TECRL: variants seen among roughly 807,000 people sequenced by gnomAD.
The protein encoded by TECRL is trans-2,3-enoyl-CoA reductase-like.
TECRL carries 63 observed loss-of-function variants against 52.8 expected under a neutral mutation model. The ratio of observed to expected loss-of-function variants is 1.19; its 90% CI spans 0.97 to 1.47. The LOEUF (loss-of-function observed/expected upper bound fraction) is 1.47, where lower values mean the gene tolerates loss of function less well. TECRL is among the 40% of genes most tolerant of loss of function. The pLI, the probability that TECRL is intolerant of heterozygous loss-of-function variation, is 0.00. For synonymous variants in TECRL, 164 were observed against 141.9 expected (o/e 1.16, Z -1.10); for missense variants, 482 against 429.6 (o/e 1.12, Z -1.08).
chr4:64,358,866 G>A (rs1035609151), intron 2 of TECRL, among the ~76,000 whole-genome samples: 2 of 151,658 alleles, frequency 1.3e-5, no homozygotes, highest in African/African-American at 4.8e-5. Context: ...TATCACAGGA[G>A]GAATCTAAGT....
chr4:64,298,060 G>C (rs1160774897), intron 8 of TECRL, among the ~76,000 whole-genome samples: 1 of 150,836 alleles, frequency 6.6e-6, no homozygotes, highest in Non-Finnish European at 1.5e-5. Flanking sequence ...TTTCACCTAT[G>C]CTTAATATTA....
At chr4:64,367,530 A>G (rs376471289) in intron 2 of TECRL, among the ~76,000 whole-genome samples, 183 of 146,816 alleles carry the variant, frequency 1.2e-3, no homozygotes, top group African/African-American at 4.3e-3. Flanking sequence ...CATATATCAC[A>G]TAAAATTCTC....
intron 3 of TECRL, among the ~76,000 whole-genome samples, chr4:64,327,565 T>C (rs1433510447): frequency 1.3e-5 from 2 of 152,116 alleles, no homozygotes; most frequent in Non-Finnish European, 1.5e-5. Flanking sequence ...AAACTCTAGG[T>C]AGGTGGGAAT....
At chr4:64,321,019 T>A (rs939069487) in intron 4 of TECRL, among the ~76,000 whole-genome samples, 2 of 152,072 alleles carry the variant, frequency 1.3e-5, no homozygotes, top group African/African-American at 4.8e-5. Flanking sequence ...GTTCAAAAAA[T>A]ATTTATTGAG....
At chr4:64,398,551 C>G (rs911009138) in intron 1 of TECRL, among the ~76,000 whole-genome samples, 2 of 152,140 alleles carry the variant, frequency 1.3e-5, no homozygotes, top group Admixed American at 6.5e-5. Context: ...TGTAAGATTC[C>G]TGAGGCCTCC....
intron 2 of TECRL, among the ~76,000 whole-genome samples, chr4:64,343,041 T>C (rs1479348697): frequency 2.0e-5 from 3 of 152,052 alleles, no homozygotes; most frequent in Non-Finnish European, 4.4e-5. Context: ...GTTAAAATTA[T>C]GTTTCTAATA....
intron 2 of TECRL, among the ~76,000 whole-genome samples, chr4:64,350,805 C>A (rs909233123): frequency 1.3e-5 from 2 of 151,750 alleles, no homozygotes; most frequent in African/African-American, 4.8e-5. Context: ...CATGAGCCAC[C>A]CTCCACATTC....
At chr4:64,390,820 A>G (rs143845724) in intron 1 of TECRL, among the ~76,000 whole-genome samples, 419 of 152,006 alleles carry the variant, frequency 2.8e-3, no homozygotes, top group African/African-American at 9.4e-3. Context: ...AGTGATGGTC[A>G]TATACTTATT....
chr4:64,364,964 C>T (rs1328654339), intron 2 of TECRL, among the ~76,000 whole-genome samples: 1 of 151,794 alleles, frequency 6.6e-6, no homozygotes, highest in Non-Finnish European at 1.5e-5. Context: ...ATAAGAAAAC[C>T]TGAGGACAAT....
At chr4:64,339,445 A>T (rs962358622) in intron 2 of TECRL, among the ~76,000 whole-genome samples, 51 of 149,832 alleles carry the variant, frequency 3.4e-4, no homozygotes, top group East Asian at 7.8e-4. Flanking sequence ...GTATAATAAA[A>T]ATATATATAT....
chr4:64,371,522 T>C (rs1721972495), intron 2 of TECRL, among the ~76,000 whole-genome samples: 1 of 151,590 alleles, frequency 6.6e-6, no homozygotes, highest in Non-Finnish European at 1.5e-5. Context: ...CTGCAGTTCC[T>C]ATAGAACATA....
intron 1 of TECRL, among the ~76,000 whole-genome samples, chr4:64,378,604 T>C (rs536991402): frequency 6.6e-6 from 1 of 152,228 alleles, no homozygotes; most frequent in South Asian, 2.1e-4. Context: ...AATGTTATTT[T>C]ACTAATAAGT....
intron 6 of TECRL, among the ~76,000 whole-genome samples, chr4:64,309,559 T>C (rs989983264): frequency 2.6e-5 from 4 of 152,182 alleles, no homozygotes; most frequent in African/African-American, 9.6e-5. Context: ...CTGAATTCAG[T>C]GCTTAGTATT....
intron 1 of TECRL, among the ~76,000 whole-genome samples, chr4:64,399,420 G>A (rs1032325838): frequency 6.6e-6 from 1 of 152,188 alleles, no homozygotes; most frequent in Non-Finnish European, 1.5e-5. Context: ...AGTAATTCGA[G>A]CAGGCTACTG....
chr4:64,300,540 A>G (rs773929552), intron 7 of TECRL, among the ~76,000 whole-genome samples: 1 of 150,914 alleles, frequency 6.6e-6, no homozygotes, highest in Non-Finnish European at 1.5e-5. Flanking sequence ...GCAGATAAAG[A>G]GTAATGTAGA....
chr4:64,287,917 C>A (rs1414007597), intron 9 of TECRL, among the ~76,000 whole-genome samples: 1 of 152,042 alleles, frequency 6.6e-6, no homozygotes, highest in Non-Finnish European at 1.5e-5. Flanking sequence ...GAGGCCGAGG[C>A]AGGCAGATCA....
intron 1 of TECRL, among the ~76,000 whole-genome samples, chr4:64,393,699 ATATT>A (rs1723715762): frequency 6.6e-6 from 1 of 151,746 alleles, no homozygotes. Context: ...TGAATCTAAT[ATATT>A]TATTGTTAAT....
chr4:64,290,764 T>G (rs918642698), intron 8 of TECRL, among the ~76,000 whole-genome samples: 2 of 152,102 alleles, frequency 1.3e-5, no homozygotes, highest in Non-Finnish European at 1.5e-5. Flanking sequence ...TTAAATCCAT[T>G]TTCATCATCT....
chr4:64,397,740 A>C (rs1053552309), intron 1 of TECRL: 4 of 152,198 alleles, frequency 2.6e-5, no homozygotes, highest in Non-Finnish European at 5.9e-5. Context: ...GCTATATAGC[A>C]GCCATGCTAA....
Sources: allele counts gnomAD v4.1 joint callset (sites outside exome capture counted in the v4.1 genomes callset), GRCh38; gene constraint gnomAD v4.1.1; transcripts MANE v1.5; gene names NCBI Gene and HGNC (gene_info 2026-07-23, HGNC 2026-07-21).